Variants in GNG5 observed in about 807,000 individuals in gnomAD.
GNG5 encodes G protein subunit gamma 5.
Under a neutral mutation model 6.2 loss-of-function variants are expected in GNG5, and 2 were observed. The observed-to-expected ratio is 0.32, with a 90% CI of 0.13 to 1.01. The LOEUF (loss-of-function observed/expected upper bound fraction) is 1.01, where lower values mean the gene tolerates loss of function less well. Among genes scored for constraint, GNG5 ranks in the 50% least tolerant of loss-of-function variants. The pLI is 0.48. For synonymous variants in GNG5, 24 were observed against 33.0 expected (o/e 0.73, Z 0.93); for missense variants, 57 against 80.2 (o/e 0.71, Z 1.10).
At chr1:84,502,349 GTCTC>G (rs199502659) in intron 2 of GNG5, among the ~76,000 whole-genome samples, 1,692 of 151,850 alleles carry the variant, frequency 0.011, 11 homozygotes, top group Non-Finnish European at 0.017. Flanking sequence ...GGCCAGGATG[GTCTC>G]TCTCTCTTGA....
intron 2 of GNG5, among the ~76,000 whole-genome samples, chr1:84,504,617 T>C (rs1399631211): frequency 6.6e-6 from 1 of 152,154 alleles, no homozygotes; most frequent in Non-Finnish European, 1.5e-5. Flanking sequence ...GGTTACGAAA[T>C]AAATGATTTC....
At chr1:84,503,736 G>C (rs912454507) in intron 2 of GNG5, 8 of 152,178 alleles carry the variant, frequency 5.3e-5, no homozygotes, top group Non-Finnish European at 1.2e-4. Context: ...TATACTTACA[G>C]GCACTAAGAA....
intron 3 of GNG5, among the ~76,000 whole-genome samples, chr1:84,500,498 A>G (rs1278182807): frequency 6.6e-6 from 1 of 152,246 alleles, no homozygotes; most frequent in African/African-American, 2.4e-5. Context: ...AAACCACTGT[A>G]AAGTGAATAC....
At position 84,506,280 on chromosome 1, in the gene GNG5, A is replaced by G. The variant is rs971165188; in HGVS notation, c.-189T>C. ...CTTGCCAGCCCTCTGTTCCAGCTCC[A>G]CACCCGGCCCCGAGCGCGAGCCTGG... On this transcript the variant is annotated 5_prime_UTR_variant, in exon 2 of 4. Coordinates refer to ENST00000370645, the MANE Select transcript of GNG5 (RefSeq NM_005274.3). 1 of 439,648 alleles carries G rather than the reference A, an allele frequency of 2.3e-6. No homozygotes were observed. Among genetic ancestry groups the G allele is most frequent in the Non-Finnish European group, 4.0e-6 (1 of 250,744 alleles). The allele number at this position is 439,648 out of a possible 1,614,324, so 27.2% of individuals were successfully genotyped here.
chr1:84,499,002 A>G (rs544845669), intron 3 of GNG5, among the ~76,000 whole-genome samples: 19 of 152,374 alleles, frequency 1.2e-4, no homozygotes, highest in South Asian at 4.1e-4. Context: ...CAGCCTAAAT[A>G]TAACTCCGTA....
chr1:84,500,049 G>A (rs549398977), intron 3 of GNG5, among the ~76,000 whole-genome samples: 5 of 152,242 alleles, frequency 3.3e-5, no homozygotes, highest in East Asian at 1.9e-4. Flanking sequence ...CCGAGACTGC[G>A]CCACTGCACT....
chr1:84,503,637 A>T (rs1023404767), intron 2 of GNG5: 1 of 152,236 alleles, frequency 6.6e-6, no homozygotes, highest in Non-Finnish European at 1.5e-5. Flanking sequence ...CAGGAAGCAT[A>T]AAGAGTACCT....
chr1:84,504,164 A>G lies in GNG5; in HGVS notation c.81+1847T>C, dbSNP rs940883272. ...ATTGTACTCACACATAAAGGTTAAAAGTAAGATTGTGCTAGTTTAAAAATC... is the reference window on the plus strand; with the variant it reads ...ATTGTACTCACACATAAAGGTTAAAGGTAAGATTGTGCTAGTTTAAAAATC... On this transcript the variant is annotated intron_variant, in intron 2 of 3. Transcript: ENST00000370645. Among the ~76,000 whole-genome samples, 9 of 152,326 alleles carry G rather than the reference A, an allele frequency of 5.9e-5. No homozygotes were observed. The East Asian group carries it at 1.7e-3, about 29-fold the overall frequency.
At chr1:84,504,859 ACTCT>A (rs1400299785) in intron 2 of GNG5, among the ~76,000 whole-genome samples, 4 of 151,682 alleles carry the variant, frequency 2.6e-5, no homozygotes, top group Admixed American at 1.3e-4. Flanking sequence ...TAAATGGGAG[ACTCT>A]CTCTCAGGAG....
chr1:84,505,412 G>A (rs945058154), intron 2 of GNG5, among the ~76,000 whole-genome samples: 4 of 152,208 alleles, frequency 2.6e-5, no homozygotes, highest in African/African-American at 2.4e-5. Flanking sequence ...GTTGTACGGG[G>A]CACTGACCGG....
At chr1:84,499,087 TTA>T (rs907573258) in intron 3 of GNG5, among the ~76,000 whole-genome samples, 114 of 152,348 alleles carry the variant, frequency 7.5e-4, no homozygotes, top group African/African-American at 2.6e-3. Context: ...AAAAAATAAG[TTA>T]TGTTTTCAAA....
chr1:84,498,959 C>G (rs1681997654), intron 3 of GNG5, among the ~76,000 whole-genome samples: 1 of 152,046 alleles, frequency 6.6e-6, no homozygotes, highest in African/African-American at 2.4e-5. Flanking sequence ...AGGATACTGA[C>G]TGTATTAGTA....
chr1:84,506,146 C>T lies in GNG5; in HGVS notation c.-55G>A. The T allele has an allele frequency of 3.4e-6, 5 of 1,477,850 alleles. No individual in the cohort carries two copies. Among genetic ancestry groups the T allele is most frequent in the Non-Finnish European group, 4.6e-6 (5 of 1,089,600 alleles). 91.5% of individuals were successfully genotyped at this position (1,477,850 alleles called of 1,614,324 possible). On this transcript the variant is annotated 5_prime_UTR_variant, in exon 2 of 4. Transcript: ENST00000370645. ...GGTCGGTGGGTCGTGGGCCGTGGGTCGGCGGGGCCAGACAACTCAGCGGCG... is the reference window on the plus strand; with the variant it reads ...GGTCGGTGGGTCGTGGGCCGTGGGTTGGCGGGGCCAGACAACTCAGCGGCG...
rs1256384670 is a variant in GNG5 at position 84,506,183 on chromosome 1, CG to C, written c.-93del. ...ACAACTCAGCGGCGCGCGGCGGGGG[CG>C]GGGCTCCGAACTTTGTCTCTAAGTT... is the stretch of plus-strand genomic sequence containing the variant. On this transcript the variant is annotated 5_prime_UTR_variant, in exon 2 of 4. Coordinates refer to ENST00000370645, the MANE Select transcript of GNG5 (RefSeq NM_005274.3). 26 of 1,015,432 alleles carry C rather than the reference CG, an allele frequency of 2.6e-5. No individual in the cohort carries two copies. The highest frequency in any genetic ancestry group is 3.1e-5 in the Non-Finnish European group (22 of 717,976). 62.9% of individuals were successfully genotyped at this position (1,015,432 alleles called of 1,614,324 possible).
intron 3 of GNG5, among the ~76,000 whole-genome samples, chr1:84,501,420 C>G (rs1176686494): frequency 6.6e-6 from 1 of 152,182 alleles, no homozygotes; most frequent in East Asian, 1.9e-4. Context: ...GTTGGTAGTA[C>G]TTTAAGTTAT....
In GNG5 at chr1:84,501,982, A is replaced by T; in HGVS notation, c.82-12T>A. The stretch of plus-strand genomic sequence containing the variant: ...GCTGCCTGGGAAACCTATACATAAC[A>T]AAGAGGGGGGGAAGTGCCAGATGGT... On this transcript the variant is annotated splice_polypyrimidine_tract_variant and intron_variant, in intron 2 of 3. Coordinates refer to ENST00000370645, the MANE Select transcript of GNG5 (RefSeq NM_005274.3). The T allele has an allele frequency of 6.2e-7, 1 of 1,606,108 alleles. No homozygotes were observed.
intron 3 of GNG5, among the ~76,000 whole-genome samples, 169 bp downstream of exon 3, chr1:84,501,654 GCTA>G (rs1298747346): frequency 2.0e-5 from 3 of 152,086 alleles, no homozygotes; most frequent in Non-Finnish European, 4.4e-5. Flanking sequence ...AGCCTTCATG[GCTA>G]CTAAGTCAGC....
chr1:84,503,143 G>A (rs1489884906), intron 2 of GNG5, among the ~76,000 whole-genome samples: 1 of 152,212 alleles, frequency 6.6e-6, no homozygotes, highest in South Asian at 2.1e-4. Context: ...CCGTTCAGAC[G>A]TGGAACATGA....
intron 3 of GNG5, 34 bp downstream of exon 3, chr1:84,501,792 T>C (rs1288850884): frequency 3.0e-6 from 4 of 1,324,704 alleles, no homozygotes; most frequent in Non-Finnish European, 4.4e-6. Flanking sequence ...ATTCCTACAG[T>C]GTGGGTTTTT....
Sources: allele counts gnomAD v4.1 joint callset (sites outside exome capture counted in the v4.1 genomes callset), GRCh38; gene constraint gnomAD v4.1.1; transcripts MANE v1.5; gene names NCBI Gene and HGNC (gene_info 2026-07-23, HGNC 2026-07-21).